MSRB3: variants seen among roughly 807,000 people sequenced by gnomAD.
MSRB3 encodes the protein methionine sulfoxide reductase B3.
A neutral mutation model predicts 21.0 loss-of-function variants in MSRB3; 13 were observed. The ratio of observed to expected loss-of-function variants is 0.62; its 90% CI spans 0.40 to 0.98. The LOEUF (loss-of-function observed/expected upper bound fraction) is 0.98. Ranked by LOEUF, MSRB3 falls within the 50% of genes least tolerant of loss-of-function variation. The pLI is 0.00. For missense variants in MSRB3, 199 were observed against 230.3 expected, an observed-to-expected ratio of 0.86 and a Z score of 0.88; for synonymous variants, 87 against 88.6, an observed-to-expected ratio of 0.98 and a Z score of 0.10.
chr12:65,370,590 C>T (rs1878263826), intron 5 of MSRB3, among the ~76,000 whole-genome samples: 1 of 152,150 alleles, frequency 6.6e-6, no homozygotes, highest in East Asian at 1.9e-4. Context: ...CAAAGTCAGA[C>T]AATTTATGTT....
rs953812214 is a variant in MSRB3 at position 65,466,659 on chromosome 12, C to T, written c.*3337C>T. On this transcript the variant is annotated 3_prime_UTR_variant, in exon 7 of 7. Transcript: ENST00000308259. ...GCATTTAAATTCTTAATGCAAATGA[C>T]GTAGCAATTTGAAAACTTCTCCGTA... 5.3e-5 allele frequency: 8 copies of T among 152,158 alleles called. No homozygotes were observed. The highest frequency in any genetic ancestry group is 2.1e-4 in the South Asian group (1 of 4,828). 9.4% of individuals were successfully genotyped at this position (152,158 alleles called of 1,614,324 possible).
chr12:65,330,340 C>T (rs916696450), intron 4 of MSRB3, among the ~76,000 whole-genome samples: 2 of 152,196 alleles, frequency 1.3e-5, no homozygotes, highest in African/African-American at 4.8e-5. Flanking sequence ...TACTTCTGTG[C>T]TTACAAGGAG....
intron 5 of MSRB3, among the ~76,000 whole-genome samples, chr12:65,385,164 C>T (rs1012258961): frequency 2.0e-5 from 3 of 152,082 alleles, no homozygotes; most frequent in African/African-American, 7.2e-5. Context: ...ATACATCAGC[C>T]TGTCTCCGAA....
chr12:65,280,466 C>T (rs1871945245), intron 1 of MSRB3, among the ~76,000 whole-genome samples: 1 of 152,136 alleles, frequency 6.6e-6, no homozygotes, highest in Admixed American at 6.6e-5. Flanking sequence ...GTTGACTTAC[C>T]TAATACTTGT....
intron 4 of MSRB3, among the ~76,000 whole-genome samples, chr12:65,343,913 C>T (rs896411184): frequency 1.3e-5 from 2 of 152,064 alleles, no homozygotes; most frequent in Non-Finnish European, 2.9e-5. Flanking sequence ...GTGGAAAAAG[C>T]TATGATTAAG....
At chr12:65,333,990 T>C (rs892760323) in intron 4 of MSRB3, among the ~76,000 whole-genome samples, 1 of 152,212 alleles carries the variant, frequency 6.6e-6, no homozygotes, top group African/African-American at 2.4e-5. Flanking sequence ...GATTCTGGGA[T>C]TGGAAAAAGA....
intron 1 of MSRB3, among the ~76,000 whole-genome samples, chr12:65,287,342 G>A (rs989667615): frequency 2.0e-5 from 3 of 151,916 alleles, no homozygotes; most frequent in Non-Finnish European, 4.4e-5. Flanking sequence ...TTCCCAGGTA[G>A]GTCTTGAACT....
At chr12:65,317,361 G>T (rs2136435640) in intron 2 of MSRB3, among the ~76,000 whole-genome samples, 1 of 152,244 alleles carries the variant, frequency 6.6e-6, no homozygotes, top group Middle Eastern at 3.4e-3. Flanking sequence ...ATGTATTATA[G>T]TTTGGCCACT....
At chr12:65,422,428 A>ATATATATATT (rs34413074) in intron 5 of MSRB3, among the ~76,000 whole-genome samples, 140 of 73,068 alleles carry the variant, frequency 1.9e-3, no homozygotes, top group Non-Finnish European at 2.1e-3. Flanking sequence ...ATATATATAT[A>ATATATATATT]TATTTATTTA....
chr12:65,314,536 A>G (rs1365544615), intron 2 of MSRB3, among the ~76,000 whole-genome samples: 2 of 152,120 alleles, frequency 1.3e-5, no homozygotes, highest in African/African-American at 4.8e-5. Context: ...TGCAGCATCT[A>G]ATTACCAGAT....
rs921634062 is a variant in MSRB3, at chr12:65,358,209, A to C, written c.264-10789A>C. On this transcript the variant is annotated intron_variant, in intron 4 of 6. Transcript: ENST00000308259. ...CATAGCTCACTGCAGCCTCAAACTC[A>C]TGGGCTATAGTGATCCTTCCACCTC... Among the ~76,000 whole-genome samples the C allele has an allele frequency of 1.1e-4, 16 of 151,876 alleles. No individual in the cohort carries two copies. The East Asian group carries it at 2.9e-3, about 28-fold the overall frequency.
chr12:65,403,229 G>C (rs1880229115), intron 5 of MSRB3, among the ~76,000 whole-genome samples: 1 of 152,226 alleles, frequency 6.6e-6, no homozygotes, highest in Admixed American at 6.5e-5. Flanking sequence ...CAGGTGCTCT[G>C]TCCCAGGGAG....
intron 4 of MSRB3, among the ~76,000 whole-genome samples, chr12:65,365,689 C>G (rs1285119960): frequency 6.6e-6 from 1 of 152,074 alleles, no homozygotes; most frequent in Admixed American, 6.6e-5. Context: ...TACTGTATAG[C>G]TAAATAGTTA....
chr12:65,404,046 A>G (rs967056104), intron 5 of MSRB3, among the ~76,000 whole-genome samples: 1 of 152,196 alleles, frequency 6.6e-6, no homozygotes, highest in Non-Finnish European at 1.5e-5. Flanking sequence ...AGCTGTTCCT[A>G]TTTGATCATC....
At chr12:65,335,824 C>T (rs1299469822) in intron 4 of MSRB3, among the ~76,000 whole-genome samples, 2 of 152,170 alleles carry the variant, frequency 1.3e-5, no homozygotes, top group Non-Finnish European at 2.9e-5. Flanking sequence ...GGAAATTGCT[C>T]ATAATTCCAG....
rs772625838 is a variant in MSRB3 at position 65,305,072 on chromosome 12, CT to C, written c.-51-3443del. On this transcript the variant is annotated intron_variant, in intron 1 of 6. Coordinates refer to ENST00000308259, the MANE Select transcript of MSRB3 (RefSeq NM_001031679.3). ...AATCTTCTTCTTTTTTGTTATTTTT[CT>C]TTTTTTTTTTTTTGAGACAGGGTCT... 430 of 141,134 alleles carry C rather than the reference CT, an allele frequency of 3.0e-3. 1 individual carries two copies. Among genetic ancestry groups the C allele is most frequent in the South Asian group, 4.3e-3 (19 of 4,378 alleles). The allele number at this position is 141,134 out of a possible 1,614,324, so 8.7% of individuals were successfully genotyped here. A position where few individuals can be genotyped will look rare whatever the true frequency, so the allele number is the denominator to read the frequency against.
chr12:65,440,561 A>G (rs1452533875), intron 5 of MSRB3, among the ~76,000 whole-genome samples: 1 of 151,910 alleles, frequency 6.6e-6, no homozygotes, highest in African/African-American at 2.4e-5. Context: ...TTTAAACACT[A>G]AAAGGAAGCC....
At chr12:65,348,152 A>G (rs182427166) in intron 4 of MSRB3, among the ~76,000 whole-genome samples, 3,674 of 152,304 alleles carry the variant, frequency 0.024, 103 homozygotes, top group African/African-American at 0.063. Flanking sequence ...ATAGTTTCAG[A>G]AGAAATGGTA....
At chr12:65,362,572 T>G (rs959471530) in intron 4 of MSRB3, among the ~76,000 whole-genome samples, 1 of 152,170 alleles carries the variant, frequency 6.6e-6, no homozygotes, top group Admixed American at 6.5e-5. Flanking sequence ...ATTACTGAAC[T>G]CCTTTAGTAT....
Sources: allele counts gnomAD v4.1 joint callset (sites outside exome capture counted in the v4.1 genomes callset), GRCh38; gene constraint gnomAD v4.1.1; transcripts MANE v1.5; gene names NCBI Gene and HGNC (gene_info 2026-07-23, HGNC 2026-07-21).